Variants in EGFLAM observed in about 807,000 individuals in gnomAD.
EGFLAM encodes pikachurin.
A neutral mutation model predicts 113.1 loss-of-function variants in EGFLAM; 79 were observed. That is an observed-to-expected ratio of 0.70 (90% CI 0.58 to 0.84). The LOEUF (loss-of-function observed/expected upper bound fraction) is 0.84, where lower values mean the gene tolerates loss of function less well. Among genes scored for constraint, EGFLAM ranks in the 40% least tolerant of loss-of-function variants. EGFLAM has a pLI of 0.00. For synonymous variants in EGFLAM, 504 were observed against 487.6 expected (o/e 1.03, Z -0.44); for missense variants, 1,265 against 1,291.6 (o/e 0.98, Z 0.32).
chr5:38,287,282 G>A (rs1758189692), intron 1 of EGFLAM, among the ~76,000 whole-genome samples: 1 of 152,156 alleles, frequency 6.6e-6, no homozygotes, highest in African/African-American at 2.4e-5. Flanking sequence ...GGGGTTTTAT[G>A]GTTTATGGCA....
chr5:38,431,773 C>A (rs755690031), intron 15 of EGFLAM, among the ~76,000 whole-genome samples: 6 of 152,138 alleles, frequency 3.9e-5, no homozygotes, highest in Non-Finnish European at 7.3e-5. Flanking sequence ...CTTGTCTCAG[C>A]ATTATCCTCT....
At chr5:38,324,104 A>T (rs576546853) in intron 1 of EGFLAM, among the ~76,000 whole-genome samples, 21 of 151,612 alleles carry the variant, frequency 1.4e-4, no homozygotes, top group African/African-American at 4.1e-4. Flanking sequence ...GATGATTCAG[A>T]CATTGCAGAG....
intron 5 of EGFLAM, among the ~76,000 whole-genome samples, chr5:38,364,361 G>A (rs543003601): frequency 6.6e-6 from 1 of 152,248 alleles, no homozygotes; most frequent in African/African-American, 2.4e-5. Flanking sequence ...CTTCTTATGG[G>A]AGCAAAGAAG....
chr5:38,323,851 T>C (rs2921223), intron 1 of EGFLAM, among the ~76,000 whole-genome samples: 4,551 of 152,160 alleles, frequency 0.03, 242 homozygotes, highest in African/African-American at 0.1. Context: ...GAGTTTGAGA[T>C]CAGCCTGGCC....
At chr5:38,442,497 T>G (rs1212307945) in intron 17 of EGFLAM, among the ~76,000 whole-genome samples, 4 of 150,940 alleles carry the variant, frequency 2.7e-5, no homozygotes. Flanking sequence ...AAAAGAGAGG[T>G]TATTTAATTA....
chr5:38,392,150 T>A (rs1356445747), intron 6 of EGFLAM, among the ~76,000 whole-genome samples: 1 of 152,202 alleles, frequency 6.6e-6, no homozygotes, highest in Non-Finnish European at 1.5e-5. Context: ...TTGTTTTTCT[T>A]CTTCGTGTTC....
intron 17 of EGFLAM, chr5:38,445,419 C>G (rs1368591981): frequency 2.3e-6 from 3 of 1,310,580 alleles, no homozygotes; most frequent in Admixed American, 6.0e-5. Flanking sequence ...TCTTGGTCCA[C>G]CGCCACGCCC....
Position 38,451,659 on chromosome 5 carries a change from G to A in EGFLAM, c.2687+201G>A, listed in dbSNP as rs937117139. 1.0e-4 allele frequency: 73 copies of A among 718,704 alleles called. No individual in the cohort carries two copies. The South Asian group carries it at 1.3e-3, about 13-fold the overall frequency. The allele number at this position is 718,704 out of a possible 1,614,324, so 44.5% of individuals were successfully genotyped here. On this transcript the variant is annotated intron_variant, in intron 19 of 21. Transcript: ENST00000322350. ...AGCAGCAGTCAGCAAACTATGGCCT[G>A]CAGGCCAAATCTGACCCACCACTCT...
intron 6 of EGFLAM, among the ~76,000 whole-genome samples, chr5:38,394,049 G>A (rs1456224555): frequency 1.3e-5 from 2 of 152,090 alleles, no homozygotes; most frequent in Admixed American, 6.5e-5. Context: ...CATCTCCGAA[G>A]CCGCACCGTC....
intron 5 of EGFLAM, among the ~76,000 whole-genome samples, chr5:38,360,231 C>T (rs1376645171): frequency 1.3e-5 from 2 of 152,156 alleles, no homozygotes; most frequent in African/African-American, 4.8e-5. Flanking sequence ...TGTGATTTGA[C>T]TCATGGTCAA....
chr5:38,265,631 G>T (rs550281834), intron 1 of EGFLAM, among the ~76,000 whole-genome samples: 2 of 152,334 alleles, frequency 1.3e-5, no homozygotes, highest in East Asian at 3.9e-4. Context: ...GGACCCCAGG[G>T]TGTAGCTTCA....
chr5:38,439,887 G>A (rs899220059), intron 17 of EGFLAM, among the ~76,000 whole-genome samples: 6 of 152,138 alleles, frequency 3.9e-5, no homozygotes, highest in African/African-American at 1.2e-4. Flanking sequence ...TGTGCTTGCC[G>A]TATATCTAAC....
chr5:38,396,321 C>A (rs2112099539), intron 6 of EGFLAM, among the ~76,000 whole-genome samples: 1 of 152,300 alleles, frequency 6.6e-6, no homozygotes, highest in Admixed American at 6.5e-5. Flanking sequence ...CCATATCCTT[C>A]TGATGCTATG....
At chr5:38,445,544 T>TTCTG in intron 17 of EGFLAM, 1 of 1,582,610 alleles carries the variant, frequency 6.3e-7, no homozygotes, top group Non-Finnish European at 8.5e-7. Flanking sequence ...TAAGAGGACG[T>TTCTG]TCTGGACTCT....
Position 38,456,802 on chromosome 5 carries a change from G to A in EGFLAM, c.2688-1509G>A, listed in dbSNP as rs62353648. ...CTCTTGGGCAATGAGGTGAAGGAGA[G>A]ATATGTCCTCTTACAAAATGAGGAG... On this transcript the variant is annotated intron_variant, in intron 19 of 21. Transcript: ENST00000322350. 6.2e-3 allele frequency among the ~76,000 whole-genome samples: 950 copies of A among 152,304 alleles called. 5 individuals are homozygous for A. Among genetic ancestry groups the A allele is most frequent in the Non-Finnish European group, 0.01 (702 of 68,028 alleles).
chr5:38,402,758 G>C, intron 6 of EGFLAM, among the ~76,000 whole-genome samples: 1 of 152,184 alleles, frequency 6.6e-6, no homozygotes, highest in Admixed American at 6.5e-5. Flanking sequence ...AGATGGAGTA[G>C]AATTCAATAA....
intron 6 of EGFLAM, chr5:38,401,146 T>G (rs1741101420): frequency 6.6e-6 from 1 of 152,208 alleles, no homozygotes; most frequent in Admixed American, 6.5e-5. Context: ...ATTCTCATTA[T>G]GGTATCATTT....
chr5:38,424,908 C>G, intron 12 of EGFLAM, 59 bp from the exon 13 acceptor site: 1 of 1,592,352 alleles, frequency 6.3e-7, no homozygotes, highest in South Asian at 1.1e-5. Flanking sequence ...GGGTCAGCGC[C>G]ACTGTGTTGG....
chr5:38,331,534 G>C (rs931064122), intron 1 of EGFLAM, among the ~76,000 whole-genome samples: 1 of 152,102 alleles, frequency 6.6e-6, no homozygotes, highest in Non-Finnish European at 1.5e-5. Context: ...AATACCCACT[G>C]AAGTTTCCTC....
Sources: gnomAD v4.1 joint callset for allele counts (sites outside exome capture counted in the v4.1 genomes callset) on GRCh38, gnomAD v4.1.1 for gene constraint, MANE v1.5 for transcripts, NCBI Gene and HGNC (gene_info 2026-07-23, HGNC 2026-07-21) for gene names.